SCFD2: variants seen among roughly 807,000 people sequenced by gnomAD.
SCFD2 encodes the protein sec1 family domain-containing protein 2.
Under a neutral mutation model 58.9 loss-of-function variants are expected in SCFD2, and 54 were observed. That is an observed-to-expected ratio of 0.92 (90% CI 0.74 to 1.15). The LOEUF is 1.15. Ranked by LOEUF, SCFD2 falls within the 50% of genes most tolerant of loss-of-function variation. SCFD2 has a pLI of 0.00. For synonymous variants in SCFD2, 321 were observed against 335.9 expected, an observed-to-expected ratio of 0.96 and a Z score of 0.49; for missense variants, 805 against 836.6, an observed-to-expected ratio of 0.96 and a Z score of 0.47.
At chr4:53,037,632 T>G (rs1184326196) in intron 5 of SCFD2, among the ~76,000 whole-genome samples, 9 of 152,150 alleles carry the variant, frequency 5.9e-5, no homozygotes, top group Admixed American at 5.9e-4. Flanking sequence ...TCTGACAAGT[T>G]AGAATATGTT....
intron 4 of SCFD2, among the ~76,000 whole-genome samples, chr4:53,202,624 C>T (rs1286925506): frequency 6.6e-6 from 1 of 152,134 alleles, no homozygotes. Flanking sequence ...GGCAGTATGG[C>T]CATTTTCACG....
At chr4:52,993,767 T>TA (rs1721676478) in intron 5 of SCFD2, among the ~76,000 whole-genome samples, 1 of 152,246 alleles carries the variant, frequency 6.6e-6, no homozygotes, top group East Asian at 1.9e-4. Context: ...GGAATCATTG[T>TA]AACTCTCTAG....
chr4:53,164,788 C>CAAAA lies in SCFD2; in HGVS notation c.1312-19210_1312-19207dup, dbSNP rs767167356. Among the ~76,000 whole-genome samples, 53 of 97,036 alleles carry CAAAA rather than the reference C, an allele frequency of 5.5e-4. No individual in the cohort carries two copies. The East Asian group carries it at 6.1e-3, about 11-fold the overall frequency. The allele number at this position is 97,036 out of a possible 152,430, so 63.7% of individuals were successfully genotyped here. A position where few individuals can be genotyped will look rare whatever the true frequency, so the allele number is the denominator to read the frequency against. ...GCGAAAAAGCGAGACTCTGGAGTCT[C>CAAAA]AAAAAAAAAAAAAAAAAAGAAGAAG... On this transcript the variant is annotated intron_variant, in intron 4 of 8. Transcript: ENST00000401642.
intron 4 of SCFD2, among the ~76,000 whole-genome samples, chr4:53,258,689 T>C (rs1730735903): frequency 1.3e-5 from 2 of 151,638 alleles, no homozygotes; most frequent in Admixed American, 1.3e-4. Context: ...ACCATGCATG[T>C]GTGTGCAAGT....
intron 5 of SCFD2, among the ~76,000 whole-genome samples, chr4:53,045,204 C>T (rs750104834): frequency 3.3e-5 from 5 of 152,026 alleles, no homozygotes; most frequent in South Asian, 2.1e-4. Flanking sequence ...TTCCTTTGTA[C>T]GAGGTTTTAC....
At chr4:53,056,162 A>G (rs1723333649) in intron 5 of SCFD2, among the ~76,000 whole-genome samples, 1 of 151,474 alleles carries the variant, frequency 6.6e-6, no homozygotes, top group African/African-American at 2.4e-5. Flanking sequence ...GGGGAAGGCA[A>G]ACAGACACAT....
chr4:53,218,012 G>A (rs1243069071), intron 4 of SCFD2, among the ~76,000 whole-genome samples: 1 of 152,148 alleles, frequency 6.6e-6, no homozygotes, highest in Admixed American at 6.5e-5. Flanking sequence ...CAAGAGATCT[G>A]CTGTTACTCT....
intron 5 of SCFD2, among the ~76,000 whole-genome samples, chr4:53,064,806 C>T (rs976191971): frequency 3.9e-5 from 6 of 152,244 alleles, no homozygotes; most frequent in African/African-American, 1.2e-4. Flanking sequence ...TGAGCTTCAG[C>T]TTCCTCATCT....
chr4:53,203,819 T>C (rs1385676972), intron 4 of SCFD2, among the ~76,000 whole-genome samples: 1 of 152,104 alleles, frequency 6.6e-6, no homozygotes, highest in East Asian at 1.9e-4. Flanking sequence ...CTTCAAGAAG[T>C]AGTTGGATCC....
Position 53,365,204 on chromosome 4 carries a change from G to C in SCFD2, c.738C>G (p.Ile246Met). The C allele has an allele frequency of 6.2e-7, 1 of 1,614,136 alleles. No individual in the cohort carries two copies. Among genetic ancestry groups the C allele is most frequent in the Non-Finnish European group, 8.5e-7 (1 of 1,180,026 alleles). Residue 246 changes from isoleucine (I) to methionine (M), a missense_variant, in exon 1 of 9, where the codon ATC becomes ATG. By Grantham distance (10) the Ile-to-Met change is conservative. Around this residue, in one of 3 missense-constraint regions of SCFD2, gnomAD observed 633 missense variants for 646.8 expected, o/e 0.98. Coordinates refer to ENST00000401642, the MANE Select transcript of SCFD2 (RefSeq NM_152540.4). The surrounding 1 kb of genome is among the most constrained non-coding windows in gnomAD (Gnocchi z 4.3). ...GGGCATAATTGGCCAGATCCGCAGC[G>C]ATGACCTGACTTAAGGAACCTACAG... The part of the protein sequence containing the change: ...CFAVGSLSQV[I>M]AADLANYAPA...
At chr4:53,094,070 C>T (rs1724549006) in intron 5 of SCFD2, among the ~76,000 whole-genome samples, 1 of 152,036 alleles carries the variant, frequency 6.6e-6, no homozygotes, top group African/African-American at 2.4e-5. Flanking sequence ...AGACCACTTC[C>T]AGCATTAGTA....
chr4:52,901,487 C>T (rs1719198306), intron 7 of SCFD2, among the ~76,000 whole-genome samples: 1 of 152,150 alleles, frequency 6.6e-6, no homozygotes, highest in Non-Finnish European at 1.5e-5. Flanking sequence ...AATGCAGCTG[C>T]CATATTGCAA....
At chr4:52,904,252 C>T (rs1719292782) in intron 7 of SCFD2, among the ~76,000 whole-genome samples, 2 of 152,304 alleles carry the variant, frequency 1.3e-5, no homozygotes, top group Admixed American at 1.3e-4. Flanking sequence ...AGAATTATCC[C>T]ATTTGTACGG....
At chr4:52,914,480 C>T (rs150895070) in intron 6 of SCFD2, among the ~76,000 whole-genome samples, 35 of 152,234 alleles carry the variant, frequency 2.3e-4, no homozygotes, top group African/African-American at 5.8e-4. Context: ...TCAGTAGCTG[C>T]GTGGACTGCT....
In SCFD2 at chr4:53,366,030, G is replaced by A; in HGVS notation, c.-89C>T. 1 of 1,434,514 alleles carries A rather than the reference G, an allele frequency of 7.0e-7. No individual in the cohort carries two copies. The highest frequency in any genetic ancestry group is 1.4e-5 in the South Asian group (1 of 72,870). 88.9% of individuals were successfully genotyped at this position (1,434,514 alleles called of 1,614,324 possible). A position where few individuals can be genotyped will look rare whatever the true frequency, so the allele number is the denominator to read the frequency against. ...CGGAAATTGGGCTCCGGGAGACTTT[G>A]ACAGTCTCCACAGTACACGTGGTCG... is the stretch of plus-strand genomic sequence containing the variant. On this transcript the variant is annotated 5_prime_UTR_variant, in exon 1 of 9. Transcript: ENST00000401642.
intron 5 of SCFD2, among the ~76,000 whole-genome samples, chr4:53,144,534 TA>T (rs1002776453): frequency 6.8e-6 from 1 of 147,758 alleles, no homozygotes; most frequent in South Asian, 2.1e-4. Context: ...GGAATATATA[TA>T]TTTTTTATAT....
chr4:53,096,197 T>C (rs758929647), intron 5 of SCFD2, among the ~76,000 whole-genome samples: 37 of 152,234 alleles, frequency 2.4e-4, no homozygotes, highest in Non-Finnish European at 4.4e-4. Flanking sequence ...TGTGTCTTTA[T>C]AGCGGCATGA....
At chr4:53,242,763 A>G (rs1729940236) in intron 4 of SCFD2, among the ~76,000 whole-genome samples, 1 of 152,222 alleles carries the variant, frequency 6.6e-6, no homozygotes, top group Non-Finnish European at 1.5e-5. Flanking sequence ...GACAGACAAA[A>G]TAGCCAGTAT....
chr4:53,141,817 G>A (rs1726174589), intron 5 of SCFD2, among the ~76,000 whole-genome samples: 1 of 152,136 alleles, frequency 6.6e-6, no homozygotes, highest in Admixed American at 6.5e-5. Context: ...GAGTTCTGAT[G>A]TCTAAGGCAG....
Sources: allele counts gnomAD v4.1 joint callset (sites outside exome capture counted in the v4.1 genomes callset), GRCh38; gene constraint gnomAD v4.1.1; regional missense constraint gnomAD v4.1.1; non-coding constraint Gnocchi (gnomAD v3.1); transcripts MANE v1.5; gene names NCBI Gene and HGNC (gene_info 2026-07-23, HGNC 2026-07-21).